Variants in CABCOCO1 observed in about 807,000 individuals in gnomAD.
The protein encoded by CABCOCO1 is ciliary associated calcium binding coiled-coil 1.
CABCOCO1 carries 28 observed loss-of-function variants against 35.7 expected under a neutral mutation model. The ratio of observed to expected loss-of-function variants is 0.78; its 90% CI spans 0.58 to 1.07. CABCOCO1 has a LOEUF of 1.07. Among genes scored for constraint, CABCOCO1 ranks in the 50% least tolerant of loss-of-function variants. The pLI is 0.00. For synonymous variants in CABCOCO1, 95 were observed against 100.1 expected (o/e 0.95, Z 0.30); for missense variants, 326 against 309.2 (o/e 1.05, Z -0.41).
intron 4 of CABCOCO1, among the ~76,000 whole-genome samples, 159 bp from the exon 5 acceptor site, chr10:61,690,390 G>C (rs765889040): frequency 6.6e-6 from 1 of 151,918 alleles, no homozygotes; most frequent in Non-Finnish European, 1.5e-5. Context: ...AGTATTTCCC[G>C]ACAATTTCTT....
At chr10:61,713,319 G>T (rs188249260) in intron 5 of CABCOCO1, among the ~76,000 whole-genome samples, 16 of 152,152 alleles carry the variant, frequency 1.1e-4, no homozygotes, top group African/African-American at 3.6e-4. Context: ...TCTGTTATTC[G>T]TGTATAAGAA....
chr10:61,762,910 A>G (rs1190773373), intron 7 of CABCOCO1, among the ~76,000 whole-genome samples: 4 of 151,962 alleles, frequency 2.6e-5, no homozygotes. Flanking sequence ...AAGTTGGGTA[A>G]TTACTCTCTG....
At chr10:61,726,576 A>G (rs1483404718) in intron 5 of CABCOCO1, among the ~76,000 whole-genome samples, 7 of 151,958 alleles carry the variant, frequency 4.6e-5, no homozygotes, top group Admixed American at 4.6e-4. Flanking sequence ...TTTTACAATG[A>G]TTCTGTTTAT....
At chr10:61,669,294 G>A (rs1839288455) in intron 1 of CABCOCO1, among the ~76,000 whole-genome samples, 1 of 151,984 alleles carries the variant, frequency 6.6e-6, no homozygotes. Context: ...TTATCTGGCA[G>A]ATAATATCAG....
intron 5 of CABCOCO1, among the ~76,000 whole-genome samples, chr10:61,711,771 G>C (rs1840737550): frequency 6.6e-6 from 1 of 151,874 alleles, no homozygotes; most frequent in Non-Finnish European, 1.5e-5. Context: ...TATGCTTTCT[G>C]ATCAAAATTG....
At chr10:61,680,395 T>TTTATATACATATAACATATAATATATATA (rs1839682045) in intron 2 of CABCOCO1, among the ~76,000 whole-genome samples, 6 of 123,254 alleles carry the variant, frequency 4.9e-5, no homozygotes, top group African/African-American at 2.1e-4. Context: ...AATATATATA[T>TTTATATACATATAACATATAATATATATA]TTTTATATAT....
intron 2 of CABCOCO1, among the ~76,000 whole-genome samples, chr10:61,680,664 T>C (rs1281333562): frequency 3.0e-5 from 2 of 67,646 alleles, no homozygotes; most frequent in African/African-American, 9.3e-5. Flanking sequence ...ATGTTATACA[T>C]GTATAACATA....
At chr10:61,665,362 G>A (rs886330806) in intron 1 of CABCOCO1, among the ~76,000 whole-genome samples, 2 of 152,114 alleles carry the variant, frequency 1.3e-5, no homozygotes, top group African/African-American at 2.4e-5. Flanking sequence ...TCAACATCCC[G>A]AGTTCTTTAG....
intron 5 of CABCOCO1, among the ~76,000 whole-genome samples, chr10:61,722,523 GAATA>G (rs1208130628): frequency 6.6e-6 from 1 of 151,848 alleles, no homozygotes; most frequent in African/African-American, 2.4e-5. Context: ...AATAAAAAAA[GAATA>G]AAGCATTTAC....
intron 2 of CABCOCO1, among the ~76,000 whole-genome samples, chr10:61,679,528 TAAA>T (rs113928072): frequency 6.6e-6 from 1 of 151,800 alleles, no homozygotes; most frequent in Non-Finnish European, 1.5e-5. Flanking sequence ...CCTTACCAAT[TAAA>T]AAAAATAAAT....
Position 61,724,087 on chromosome 10 carries a change from T to A in CABCOCO1, c.552+33466T>A, listed in dbSNP as rs192058646. Among the ~76,000 whole-genome samples the A allele has an allele frequency of 4.6e-5, 7 of 152,272 alleles. No homozygotes were observed. The East Asian group carries it at 1.4e-3, about 29-fold the overall frequency. On this transcript the variant is annotated intron_variant, in intron 5 of 7. Transcript: ENST00000648843. ...CCATTCACGAAAGTAAGAAAAGTTT[T>A]AGATAGCTATGAAAATCCCAAAAGA...
chr10:61,761,469 T>C (rs1009818404), intron 7 of CABCOCO1, among the ~76,000 whole-genome samples: 5 of 152,098 alleles, frequency 3.3e-5, no homozygotes, highest in Admixed American at 1.3e-4. Context: ...TTTACACCAA[T>C]AATTACATGA....
intron 5 of CABCOCO1, among the ~76,000 whole-genome samples, chr10:61,756,896 A>G (rs1262427528): frequency 6.7e-6 from 1 of 149,576 alleles, no homozygotes; most frequent in Non-Finnish European, 1.5e-5. Flanking sequence ...ACTTTTGAGG[A>G]AAAAAAAATG....
chr10:61,669,020 G>A (rs191603974), intron 1 of CABCOCO1, among the ~76,000 whole-genome samples: 70 of 102,426 alleles, frequency 6.8e-4, no homozygotes, highest in East Asian at 9.4e-4. Flanking sequence ...AAGGGTTGGG[G>A]AAAAAAAAAA....
intron 7 of CABCOCO1, among the ~76,000 whole-genome samples, chr10:61,762,940 C>T (rs1263226055): frequency 6.6e-6 from 1 of 152,054 alleles, no homozygotes; most frequent in African/African-American, 2.4e-5. Context: ...ATTCCTCCTC[C>T]TATTTTAGAT....
At position 61,709,713 on chromosome 10, in the gene CABCOCO1, G is replaced by A. The variant is rs1840681661; in HGVS notation, c.552+19092G>A. On this transcript the variant is annotated intron_variant, in intron 5 of 7. Transcript: ENST00000648843. The stretch of plus-strand genomic sequence containing the variant: ...AAATTTAAAAAAAAAAAAATGTATA[G>A]AGACAACAACTCAATGCTGCTTCCC... 2.0e-5 allele frequency among the ~76,000 whole-genome samples: 3 copies of A among 151,584 alleles called. No homozygotes were observed. The South Asian group carries it at 6.2e-4, about 32-fold the overall frequency.
intron 3 of CABCOCO1, among the ~76,000 whole-genome samples, chr10:61,682,847 A>G (rs1171815439): frequency 6.7e-6 from 1 of 149,584 alleles, no homozygotes; most frequent in Non-Finnish European, 1.5e-5. Flanking sequence ...AGAAAGCACT[A>G]TACACATGTA....
At chr10:61,729,872 A>G (rs927450658) in intron 5 of CABCOCO1, among the ~76,000 whole-genome samples, 1 of 152,148 alleles carries the variant, frequency 6.6e-6, no homozygotes, top group Non-Finnish European at 1.5e-5. Context: ...AGAAAGGCAA[A>G]TTCTGTATGA....
At chr10:61,716,281 G>T (rs1454503061) in intron 5 of CABCOCO1, among the ~76,000 whole-genome samples, 1 of 152,062 alleles carries the variant, frequency 6.6e-6, no homozygotes, top group Non-Finnish European at 1.5e-5. Context: ...CTAAATGTGA[G>T]GGTTGCAACA....
Sources: allele counts gnomAD v4.1 joint callset (sites outside exome capture counted in the v4.1 genomes callset), GRCh38; gene constraint gnomAD v4.1.1; transcripts MANE v1.5; gene names NCBI Gene and HGNC (gene_info 2026-07-23, HGNC 2026-07-21).